The following LRRFIP2 variants were observed in gnomAD, a reference collection of about 807,000 sequenced individuals.
The protein encoded by LRRFIP2 is leucine-rich repeat flightless-interacting protein 2.
LRRFIP2 carries 109 observed loss-of-function variants against 125.9 expected under a neutral mutation model. That is an observed-to-expected ratio of 0.87 (90% CI 0.74 to 1.01). The LOEUF is 1.01. Ranked by LOEUF, LRRFIP2 falls within the 50% of genes least tolerant of loss-of-function variation. The pLI, the probability that LRRFIP2 is intolerant of heterozygous loss-of-function variation, is 0.00. For synonymous variants in LRRFIP2, 291 were observed against 293.1 expected, an observed-to-expected ratio of 0.99 and a Z score of 0.07; for missense variants, 850 against 862.3, an observed-to-expected ratio of 0.99 and a Z score of 0.18.
intron 23 of LRRFIP2, chr3:37,064,070 G>A (rs1170518049): frequency 7.9e-6 from 3 of 378,416 alleles, no homozygotes; most frequent in Non-Finnish European, 1.4e-5. Context: ...AAGTACAAAG[G>A]AGGTCATTTC....
At chr3:37,054,591 C>CA (rs2086261276) in intron 26 of LRRFIP2, 76 bp from the exon 27 acceptor site, 4 of 943,396 alleles carry the variant, frequency 4.2e-6, no homozygotes, top group Non-Finnish European at 5.0e-6. Flanking sequence ...GATGGAAATA[C>CA]AATGTCATTA....
chr3:37,106,029 C>G (rs1414159708), intron 13 of LRRFIP2, among the ~76,000 whole-genome samples: 2 of 152,140 alleles, frequency 1.3e-5, no homozygotes, highest in East Asian at 1.9e-4. Context: ...CGTGCCATTG[C>G]ACTCCAGTCT....
intron 6 of LRRFIP2, among the ~76,000 whole-genome samples, chr3:37,120,479 A>G (rs2094980576): frequency 6.6e-6 from 1 of 152,206 alleles, no homozygotes; most frequent in Non-Finnish European, 1.5e-5. Flanking sequence ...CTTACTCTAA[A>G]AAGACAGTAC....
At chr3:37,133,690 G>A (rs1207126691) in intron 2 of LRRFIP2, among the ~76,000 whole-genome samples, 1 of 152,146 alleles carries the variant, frequency 6.6e-6, no homozygotes, top group Admixed American at 6.5e-5. Flanking sequence ...TTCCAGTACT[G>A]GATGATGACA....
rs376695543 is a variant in LRRFIP2 at position 37,136,436 on chromosome 3, T to C, written c.91-7287A>G. ...AATGGTGAATAGTTTTGATGGTATG[T>C]GAATTATATCTCAATTTAAATTTTT... On this transcript the variant is annotated intron_variant, in intron 2 of 27. Transcript: ENST00000336686. Among the ~76,000 whole-genome samples the C allele has an allele frequency of 9.2e-5, 14 of 152,346 alleles. No homozygotes were observed. In the East Asian group the frequency reaches 1.7e-3, roughly 19 times the overall value.
intron 15 of LRRFIP2, 116 bp from the exon 16 acceptor site, chr3:37,096,776 A>G: frequency 3.6e-6 from 2 of 560,594 alleles, no homozygotes; most frequent in Non-Finnish European, 6.3e-6. Flanking sequence ...CCTAAAAATA[A>G]ACATATTAAA....
Position 37,123,203 on chromosome 3 carries a change from T to G in LRRFIP2, c.229-1512A>C, listed in dbSNP as rs115504725. ...TGTTGTTGTTGTTGTTGTTGTTGTT[T>G]TTTGAGACGGAGTCTCGCTCTGTCG... On this transcript the variant is annotated intron_variant, in intron 4 of 27. Coordinates refer to ENST00000336686, the MANE Select transcript of LRRFIP2 (RefSeq NM_006309.4). Among the ~76,000 whole-genome samples, 888 of 149,734 alleles carry G rather than the reference T, an allele frequency of 5.9e-3. 12 individuals carry two copies. Among genetic ancestry groups the G allele is most frequent in the Non-Finnish European group, 7.7e-3 (523 of 67,746 alleles).
At chr3:37,070,619 C>T (rs2091018536) in intron 21 of LRRFIP2, among the ~76,000 whole-genome samples, 1 of 151,870 alleles carries the variant, frequency 6.6e-6, no homozygotes, top group South Asian at 2.1e-4. Flanking sequence ...ACCTGTAGTC[C>T]CAGCTACTCA....
At chr3:37,162,831 T>C (rs910582836) in intron 1 of LRRFIP2, among the ~76,000 whole-genome samples, 12 of 152,220 alleles carry the variant, frequency 7.9e-5, no homozygotes. Flanking sequence ...TAACATGAGA[T>C]GTGCCTGGTC....
intron 23 of LRRFIP2, chr3:37,065,178 G>C (rs1053455340): frequency 5.8e-6 from 1 of 173,684 alleles, no homozygotes; most frequent in Non-Finnish European, 1.3e-5. Context: ...CTCTAGAGTA[G>C]ATTTCTTTGT....
intron 1 of LRRFIP2, among the ~76,000 whole-genome samples, chr3:37,167,256 T>C (rs1243148470): frequency 1.3e-5 from 2 of 149,268 alleles, no homozygotes; most frequent in South Asian, 2.1e-4. Flanking sequence ...AGATGCACAA[T>C]GTCACCCATC....
At position 37,147,406 on chromosome 3, in the gene LRRFIP2, C is replaced by T. The variant is rs560088118; in HGVS notation, c.90+1488G>A. Among the ~76,000 whole-genome samples the T allele has an allele frequency of 1.3e-3, 195 of 152,334 alleles. 5 individuals carry two copies. In the South Asian group the frequency reaches 0.039, roughly 31 times the overall value. On this transcript the variant is annotated intron_variant, in intron 2 of 27. Coordinates refer to ENST00000336686, the MANE Select transcript of LRRFIP2 (RefSeq NM_006309.4). ...AAAAATACCTGCACATGTACGTTCACTGGAGCACTATTCACAACAGCAAAG... is the reference window on the plus strand; with the variant it reads ...AAAAATACCTGCACATGTACGTTCATTGGAGCACTATTCACAACAGCAAAG...
At chr3:37,134,915 C>T in intron 2 of LRRFIP2, 3 of 1,361,762 alleles carry the variant, frequency 2.2e-6, no homozygotes, top group East Asian at 4.6e-5. Context: ...GCATTTGTCT[C>T]GATATTCTAA....
intron 2 of LRRFIP2, chr3:37,134,542 G>A (rs1203046160): frequency 2.4e-6 from 1 of 416,974 alleles, no homozygotes; most frequent in Non-Finnish European, 4.7e-6. Context: ...GCTTGTGTCT[G>A]GCAGAGCCGG....
In LRRFIP2 at chr3:37,095,798, T is replaced by C. The variant is rs2093686915; in HGVS notation, c.918+818A>G. ...CTGGGACAACAGGCACGCAAAACCA[T>C]GACTGGCTAATATTTTTTTTGCATT... On this transcript the variant is annotated intron_variant, in intron 16 of 27. Transcript: ENST00000336686. Among the ~76,000 whole-genome samples the C allele has an allele frequency of 2.6e-5, 4 of 152,064 alleles. No homozygotes were observed. In the South Asian group the frequency reaches 8.3e-4, roughly 32 times the overall value.
At chr3:37,066,009 T>A (rs746772442) in intron 22 of LRRFIP2, 67 bp from the exon 23 acceptor site, 57 of 1,589,898 alleles carry the variant, frequency 3.6e-5, no homozygotes, top group Non-Finnish European at 4.7e-5. Context: ...GTGAGGTCAC[T>A]CTGCAACAAT....
chr3:37,110,449 A>C (rs2094508205), intron 9 of LRRFIP2, among the ~76,000 whole-genome samples: 1 of 152,212 alleles, frequency 6.6e-6, no homozygotes, highest in Admixed American at 6.5e-5. Context: ...TGTGCCATAC[A>C]CTTAATGTGT....
rs559651503 is a variant in LRRFIP2 at position 37,101,901 on chromosome 3, A to C, written c.873+1023T>G. Reference sequence around the variant, plus strand: ...TTCATTCATTAAGACAAATGCCCCAAGGACAATCCTTTCCTAAATTCAGTT... The same window carrying C: ...TTCATTCATTAAGACAAATGCCCCACGGACAATCCTTTCCTAAATTCAGTT... On this transcript the variant is annotated intron_variant, in intron 15 of 27. Coordinates refer to ENST00000336686, the MANE Select transcript of LRRFIP2 (RefSeq NM_006309.4). Among the ~76,000 whole-genome samples the C allele has an allele frequency of 8.7e-4, 132 of 152,298 alleles. 1 individual carries two copies. Among genetic ancestry groups the C allele is most frequent in the Admixed American group, 3.3e-3 (51 of 15,308 alleles).
chr3:37,088,116 C>T (rs2093194194), intron 18 of LRRFIP2, among the ~76,000 whole-genome samples: 3 of 152,190 alleles, frequency 2.0e-5, no homozygotes, highest in East Asian at 3.8e-4. Flanking sequence ...CATTGATTAC[C>T]TATGCCCATA....
Sources: allele counts gnomAD v4.1 joint callset (sites outside exome capture counted in the v4.1 genomes callset), GRCh38; gene constraint gnomAD v4.1.1; transcripts MANE v1.5; gene names NCBI Gene and HGNC (gene_info 2026-07-23, HGNC 2026-07-21).